The following CDH4 variants were observed in gnomAD, a reference collection of about 807,000 sequenced individuals.
The protein encoded by CDH4 is cadherin 4.
A neutral mutation model predicts 86.0 loss-of-function variants in CDH4; 33 were observed. The observed-to-expected ratio is 0.38, with a 90% CI of 0.29 to 0.51. The LOEUF (loss-of-function observed/expected upper bound fraction) is 0.51. Ranked by LOEUF, CDH4 falls within the 20% of genes least tolerant of loss-of-function variation. CDH4 has a pLI of 0.86. For synonymous variants in CDH4, 555 were observed against 549.4 expected (o/e 1.01, Z -0.14); for missense variants, 1,114 against 1,307.4 (o/e 0.85, Z 2.28).
In CDH4 at chr20:61,773,202, G is replaced by A. The variant is rs1447602424; in HGVS notation, c.576+20G>A. ...GTGAGGGTGAGTGCAGACCCCTCCCGCGGGCACGGGGGTCTCGGCGTTAGC... is the reference window on the plus strand; with the variant it reads ...GTGAGGGTGAGTGCAGACCCCTCCCACGGGCACGGGGGTCTCGGCGTTAGC... On this transcript the variant is annotated intron_variant, in intron 4 of 15. Coordinates refer to ENST00000614565, the MANE Select transcript of CDH4 (RefSeq NM_001794.5). 20 of 1,514,486 alleles carry A rather than the reference G, an allele frequency of 1.3e-5. No individual in the cohort carries two copies. The highest frequency in any genetic ancestry group is 1.8e-5 in the Non-Finnish European group (20 of 1,122,570). 93.8% of individuals were successfully genotyped at this position (1,514,486 alleles called of 1,614,324 possible). A position where few individuals can be genotyped will look rare whatever the true frequency, so the allele number is the denominator to read the frequency against.
chr20:61,759,952 C>T (rs2088612231), intron 3 of CDH4, among the ~76,000 whole-genome samples: 1 of 152,198 alleles, frequency 6.6e-6, no homozygotes, highest in African/African-American at 2.4e-5. Context: ...GCCAGGGGTG[C>T]AGCCCGGCCA....
chr20:61,598,119 G>C (rs1021098693), intron 2 of CDH4, among the ~76,000 whole-genome samples: 4 of 152,134 alleles, frequency 2.6e-5, no homozygotes, highest in Non-Finnish European at 5.9e-5. Context: ...GGGCACTGTG[G>C]GGGTGATGGT....
intron 2 of CDH4, among the ~76,000 whole-genome samples, chr20:61,350,788 CTT>C (rs1329080732): frequency 6.6e-6 from 1 of 152,194 alleles, no homozygotes; most frequent in African/African-American, 2.4e-5. Context: ...AATTGCCACT[CTT>C]ATGGGAAAGA....
chr20:61,512,060 G>A (rs1385513477), intron 2 of CDH4, among the ~76,000 whole-genome samples: 2 of 152,158 alleles, frequency 1.3e-5, no homozygotes, highest in Non-Finnish European at 2.9e-5. Flanking sequence ...CGCCTGCAAG[G>A]ACTGTAATCA....
At chr20:61,655,870 GT>G (rs1467351137) in intron 2 of CDH4, among the ~76,000 whole-genome samples, 3 of 152,240 alleles carry the variant, frequency 2.0e-5, no homozygotes, top group Non-Finnish European at 4.4e-5. Context: ...CAGGTGAAGT[GT>G]GTGGCTAATA....
At chr20:61,350,818 C>T (rs1397426046) in intron 2 of CDH4, among the ~76,000 whole-genome samples, 3 of 152,240 alleles carry the variant, frequency 2.0e-5, no homozygotes, top group Non-Finnish European at 2.9e-5. Flanking sequence ...GTGTTGGAAA[C>T]TCAAGCTTCA....
chr20:61,282,802 T>A (rs1300700076), intron 2 of CDH4, among the ~76,000 whole-genome samples: 2 of 152,084 alleles, frequency 1.3e-5, no homozygotes, highest in Non-Finnish European at 2.9e-5. Flanking sequence ...TGCATGAGAG[T>A]GGTGCATGGC....
chr20:61,275,993 G>A (rs913026788), intron 2 of CDH4, among the ~76,000 whole-genome samples: 53 of 152,284 alleles, frequency 3.5e-4, no homozygotes, highest in African/African-American at 1.2e-3. Flanking sequence ...GCACATCAGC[G>A]ACACTCTCAT....
intron 2 of CDH4, among the ~76,000 whole-genome samples, chr20:61,460,535 T>C (rs1325592467): frequency 6.6e-6 from 1 of 152,152 alleles, no homozygotes; most frequent in African/African-American, 2.4e-5. Flanking sequence ...TTTACAAGGG[T>C]CCATGTTTGG....
chr20:61,501,192 G>A lies in CDH4; in HGVS notation c.170-242371G>A, dbSNP rs574110716. On this transcript the variant is annotated intron_variant, in intron 2 of 15. Transcript: ENST00000614565. This position sits in a 1 kb window ranked among gnomAD's most constrained non-coding sequence, Gnocchi z 4.2. ...ACAATAGACTCAGGCTGGGGGAGGT[G>A]GCGCTGCCATCCGCCATCTCCAGTC... 2.0e-5 allele frequency among the ~76,000 whole-genome samples: 3 copies of A among 152,324 alleles called. No individual in the cohort carries two copies. In the East Asian group the frequency reaches 5.8e-4, roughly 29 times the overall value.
At chr20:61,826,247 T>C (rs1419988211) in intron 4 of CDH4, among the ~76,000 whole-genome samples, 2 of 152,218 alleles carry the variant, frequency 1.3e-5, no homozygotes, top group Non-Finnish European at 2.9e-5. Context: ...CCATTTCCTA[T>C]GAACTTTCTC....
intron 2 of CDH4, among the ~76,000 whole-genome samples, chr20:61,531,496 G>T: frequency 1.2e-5 from 1 of 85,870 alleles, no homozygotes; most frequent in South Asian, 3.0e-4. Context: ...AAAAAAAAAA[G>T]GGATTTAGCA....
At chr20:61,602,694 TAAAAAAAAAAAAAA>T (rs10641053) in intron 2 of CDH4, among the ~76,000 whole-genome samples, 2 of 89,128 alleles carry the variant, frequency 2.2e-5, no homozygotes, top group East Asian at 7.1e-4. Flanking sequence ...TTCACTTTAT[TAAAAAAAAAAAAAA>T]AAAAAAAAAA....
At chr20:61,916,653 C>T (rs2054906234) in intron 9 of CDH4, among the ~76,000 whole-genome samples, 2 of 152,180 alleles carry the variant, frequency 1.3e-5, no homozygotes, top group South Asian at 4.1e-4. Context: ...ATGAAGGGTC[C>T]CCTGAGTCCC....
intron 2 of CDH4, among the ~76,000 whole-genome samples, chr20:61,444,313 T>TGCGTTCACCTGTGTGTGTGTGCATCTG (rs1476177797): frequency 5.2e-4 from 1 of 1,908 alleles, no homozygotes; most frequent in African/African-American, 2.0e-3. Flanking sequence ...GTATGTATTT[T>TGCGTTCACCTGTGTGTGTGTGCATCTG]TGTGTATCTG....
intron 2 of CDH4, among the ~76,000 whole-genome samples, chr20:61,313,801 A>G (rs117770532): frequency 0.037 from 5,566 of 152,302 alleles, 157 homozygotes; most frequent in Non-Finnish European, 0.055. Context: ...CAGTGGTGCA[A>G]TCATAGCCCA....
chr20:61,752,157 C>T (rs1221292917), intron 3 of CDH4, among the ~76,000 whole-genome samples: 1 of 152,016 alleles, frequency 6.6e-6, no homozygotes, highest in African/African-American at 2.4e-5. Flanking sequence ...CATGGTGAAA[C>T]CCTGTCTCCA....
chr20:61,444,551 TTGTG>T (rs1297806121), intron 2 of CDH4, among the ~76,000 whole-genome samples: 4 of 86,556 alleles, frequency 4.6e-5, no homozygotes, highest in Admixed American at 1.5e-4. Context: ...ATGTGTATCT[TTGTG>T]TGTCTTTGTG....
At chr20:61,833,224 G>A (rs987420511) in intron 4 of CDH4, among the ~76,000 whole-genome samples, 2 of 152,070 alleles carry the variant, frequency 1.3e-5, no homozygotes, top group South Asian at 2.1e-4. Flanking sequence ...GATTTCTGAC[G>A]TTTCCAATGG....
Sources: allele counts gnomAD v4.1 joint callset (sites outside exome capture counted in the v4.1 genomes callset), GRCh38; gene constraint gnomAD v4.1.1; non-coding constraint Gnocchi (gnomAD v3.1); transcripts MANE v1.5; gene names NCBI Gene and HGNC (gene_info 2026-07-23, HGNC 2026-07-21).